Variants in PCDHGA11 observed in about 807,000 individuals in gnomAD.
The protein encoded by PCDHGA11 is protocadherin gamma subfamily A, 11, also known as protocadherin gamma-A11.
In PCDHGA11, 39 loss-of-function variants were observed where a neutral mutation model predicts 60.4. That is an observed-to-expected ratio of 0.65 (90% CI 0.50 to 0.84). PCDHGA11 has a LOEUF of 0.84. PCDHGA11 is among the 40% of genes least tolerant of loss of function. The pLI, the probability that PCDHGA11 is intolerant of heterozygous loss-of-function variation, is 0.00. For synonymous variants in PCDHGA11, 533 were observed against 510.3 expected (o/e 1.04, Z -0.60); for missense variants, 1,165 against 1,197.7 (o/e 0.97, Z 0.40).
In PCDHGA11 at chr5:141,477,088, C is replaced by G. The variant is rs1008530221; in HGVS notation, c.2434-17719C>G. On this transcript the variant is annotated intron_variant, in intron 1 of 3. Transcript: ENST00000398587. This position sits in a 1 kb window ranked among gnomAD's most constrained non-coding sequence, Gnocchi z 4.9. ...AACTCCATGAGATTTACATCCAGGC[C>G]AAAGACAAGGGCGCCAATCCCGAAG... The G allele has an allele frequency of 1.2e-6, 2 of 1,614,112 alleles. No individual in the cohort carries two copies. The highest frequency in any genetic ancestry group is 1.6e-4 in the Middle Eastern group (1 of 6,084).
chr5:141,451,182 C>T (rs2154563496), intron 1 of PCDHGA11, among the ~76,000 whole-genome samples: 1 of 152,226 alleles, frequency 6.6e-6, no homozygotes, highest in Non-Finnish European at 1.5e-5. Flanking sequence ...TTAGCCATTG[C>T]TGTGTAACAA....
chr5:141,431,660 A>G lies in PCDHGA11; in HGVS notation c.2433+8000A>G. On this transcript the variant is annotated intron_variant, in intron 1 of 3. Transcript: ENST00000398587. This position sits in a 1 kb window ranked among gnomAD's most constrained non-coding sequence, Gnocchi z 4.8. ...CAAACTAGATTGTAATTCAGGGACA[A>G]TATCAACAATAGGGGAGTTGGACCA... 7 of 1,614,256 alleles carry G rather than the reference A, an allele frequency of 4.3e-6. No individual in the cohort carries two copies. The highest frequency in any genetic ancestry group is 5.1e-6 in the Non-Finnish European group (6 of 1,180,046).
chr5:141,505,513 G>A lies in PCDHGA11; in HGVS notation c.2581+32G>A, dbSNP rs1157816684. ...GGTGTCAGTGTGTGTATGGAAGAGT[G>A]GGAGACCTGGGGTTCTGGGGTGCAT... On this transcript the variant is annotated intron_variant, in intron 3 of 3. Coordinates refer to ENST00000398587, the MANE Select transcript of PCDHGA11 (RefSeq NM_018914.3). The A allele has an allele frequency of 3.1e-6, 5 of 1,613,710 alleles. No homozygotes were observed. In the South Asian group the frequency reaches 3.3e-5, roughly 11 times the overall value.
intron 1 of PCDHGA11, among the ~76,000 whole-genome samples, chr5:141,480,386 A>G (rs966068994): frequency 6.6e-6 from 1 of 151,826 alleles, no homozygotes; most frequent in Non-Finnish European, 1.5e-5. Context: ...CTACACTTCA[A>G]CCATGGCAAT....
chr5:141,500,871 T>C (rs2154592764), intron 2 of PCDHGA11, among the ~76,000 whole-genome samples: 1 of 135,840 alleles, frequency 7.4e-6, no homozygotes, highest in African/African-American at 3.0e-5. Context: ...TACACATTCA[T>C]TTACAATTTT....
In PCDHGA11 at chr5:141,477,472, C is replaced by T. The variant is rs764533834; in HGVS notation, c.2434-17335C>T. 1 of 1,614,156 alleles carries T rather than the reference C, an allele frequency of 6.2e-7. No homozygotes were observed. Among genetic ancestry groups the T allele is most frequent in the South Asian group, 1.1e-5 (1 of 91,080 alleles). Reference sequence around the variant, plus strand: ...GTGTTCAAGTGTCCGACATCAATGACAACCCTCCACAATCTTCTCAATCTT... The same window carrying T: ...GTGTTCAAGTGTCCGACATCAATGATAACCCTCCACAATCTTCTCAATCTT... On this transcript the variant is annotated intron_variant, in intron 1 of 3. Transcript: ENST00000398587. This position sits in a 1 kb window ranked among gnomAD's most constrained non-coding sequence, Gnocchi z 4.9.
chr5:141,431,447 G>C lies in PCDHGA11; in HGVS notation c.2433+7787G>C. ...GCGCACAGGCACCGCGCGCATCCGC[G>C]TGATGGTTCTGGATGCGAACGACAA... is the stretch of plus-strand genomic sequence containing the variant. On this transcript the variant is annotated intron_variant, in intron 1 of 3. Coordinates refer to ENST00000398587, the MANE Select transcript of PCDHGA11 (RefSeq NM_018914.3). The surrounding 1 kb of genome is among the most constrained non-coding windows in gnomAD (Gnocchi z 4.8). The C allele has an allele frequency of 6.2e-7, 1 of 1,613,792 alleles. No individual in the cohort carries two copies. Among genetic ancestry groups the C allele is most frequent in the Non-Finnish European group, 8.5e-7 (1 of 1,180,014 alleles).
In PCDHGA11 at chr5:141,490,584, T is replaced by C; in HGVS notation, c.2434-4223T>C. The stretch of plus-strand genomic sequence containing the variant: ...TCAGGCTCAACATTTCAGATGTCAA[T>C]GACAATGCACCCCGCTTCAACCAGC... On this transcript the variant is annotated intron_variant, in intron 1 of 3. Coordinates refer to ENST00000398587, the MANE Select transcript of PCDHGA11 (RefSeq NM_018914.3). The surrounding 1 kb of genome is among the most constrained non-coding windows in gnomAD (Gnocchi z 5.4). 6.2e-7 allele frequency: 1 copy of C among 1,614,170 alleles called. No individual in the cohort carries two copies. Among genetic ancestry groups the C allele is most frequent in the South Asian group, 1.1e-5 (1 of 91,080 alleles).
intron 3 of PCDHGA11, chr5:141,508,179 AG>A (rs1250335236): frequency 1.3e-5 from 2 of 152,326 alleles, no homozygotes; most frequent in Non-Finnish European, 2.9e-5. Flanking sequence ...ACAGGAGAGA[AG>A]GCATCACCCC....
rs2099694486 is a variant in PCDHGA11 at position 141,489,987 on chromosome 5, G to A, written c.2434-4820G>A. The A allele has an allele frequency of 1.2e-6, 2 of 1,614,106 alleles. No homozygotes were observed. The highest frequency in any genetic ancestry group is 1.3e-5 in the African/African-American group (1 of 74,932). The stretch of plus-strand genomic sequence containing the variant: ...CCTTCCAATCCTCAGTTCTACGTGT[G>A]GGAATCCCAGAGAATGCACCCATTG... On this transcript the variant is annotated intron_variant, in intron 1 of 3. Coordinates refer to ENST00000398587, the MANE Select transcript of PCDHGA11 (RefSeq NM_018914.3). The surrounding 1 kb of genome is among the most constrained non-coding windows in gnomAD (Gnocchi z 4.5).
At chr5:141,508,903 G>A (rs1410291297) in intron 3 of PCDHGA11, among the ~76,000 whole-genome samples, 1 of 152,086 alleles carries the variant, frequency 6.6e-6, no homozygotes, top group East Asian at 1.9e-4. Flanking sequence ...GGGCGGGGCG[G>A]TGGCGGATCT....
At chr5:141,435,614 C>T (rs1274100711) in intron 1 of PCDHGA11, among the ~76,000 whole-genome samples, 1 of 152,056 alleles carries the variant, frequency 6.6e-6, no homozygotes, top group Non-Finnish European at 1.5e-5. Context: ...ACATTAAATT[C>T]CCCATAACTT....
chr5:141,492,359 C>A (rs1292383129), intron 1 of PCDHGA11, among the ~76,000 whole-genome samples: 3 of 152,336 alleles, frequency 2.0e-5, no homozygotes, highest in African/African-American at 7.2e-5. Flanking sequence ...GCCACTCGCT[C>A]GCGGCCAGAT....
chr5:141,447,119 A>AT (rs2098526425), intron 1 of PCDHGA11, among the ~76,000 whole-genome samples: 1 of 150,848 alleles, frequency 6.6e-6, no homozygotes, highest in South Asian at 2.1e-4. Flanking sequence ...TGCTCCATGG[A>AT]TTTTTTTGTT....
In PCDHGA11 at chr5:141,512,845, A is replaced by G. The variant is rs1166488780; in HGVS notation, c.*1672A>G. On this transcript the variant is annotated 3_prime_UTR_variant, in exon 4 of 4. Coordinates refer to ENST00000398587, the MANE Select transcript of PCDHGA11 (RefSeq NM_018914.3). ...CTCCCCCGTACTGACTTCTCCTATA[A>G]GCGCTTCTCTTCGCATAGTCACGTA... The G allele has an allele frequency of 6.6e-6, 1 of 152,156 alleles. No individual in the cohort carries two copies. Among genetic ancestry groups the G allele is most frequent in the African/African-American group, 2.4e-5 (1 of 41,380 alleles). 9.4% of individuals were successfully genotyped at this position (152,156 alleles called of 1,614,324 possible).
chr5:141,429,741 C>T (rs2097240604), intron 1 of PCDHGA11, among the ~76,000 whole-genome samples: 1 of 152,106 alleles, frequency 6.6e-6, no homozygotes, highest in Admixed American at 6.5e-5. Flanking sequence ...CCAGTTATTT[C>T]TTAGGGAGAA....
chr5:141,499,275 C>T (rs1259707742), intron 2 of PCDHGA11, among the ~76,000 whole-genome samples: 1 of 152,178 alleles, frequency 6.6e-6, no homozygotes, highest in African/African-American at 2.4e-5. Flanking sequence ...CTAGACTGTT[C>T]TCTGATGGCT....
intron 2 of PCDHGA11, among the ~76,000 whole-genome samples, chr5:141,495,922 C>G (rs1263216717): frequency 6.6e-6 from 1 of 152,100 alleles, no homozygotes; most frequent in Non-Finnish European, 1.5e-5. Context: ...CTTTCTTTGT[C>G]TCTGTCTCTG....
rs781289120 is a variant in PCDHGA11 at position 141,431,571 on chromosome 5, A to G, written c.2433+7911A>G. ...GTAGTCAACGCTACCGACCCTGACG[A>G]AGGAGTCAATGCGGAAGTGAGGTAT... is the stretch of plus-strand genomic sequence containing the variant. On this transcript the variant is annotated intron_variant, in intron 1 of 3. Transcript: ENST00000398587. The surrounding 1 kb of genome is among the most constrained non-coding windows in gnomAD (Gnocchi z 4.8). 6.2e-7 allele frequency: 1 copy of G among 1,614,144 alleles called. No homozygotes were observed. The highest frequency in any genetic ancestry group is 2.2e-5 in the East Asian group (1 of 44,882).
Sources: allele counts gnomAD v4.1 joint callset (sites outside exome capture counted in the v4.1 genomes callset), GRCh38; gene constraint gnomAD v4.1.1; non-coding constraint Gnocchi (gnomAD v3.1); transcripts MANE v1.5; gene names NCBI Gene and HGNC (gene_info 2026-07-23, HGNC 2026-07-21).